Variants in EPC2 observed in about 807,000 individuals in gnomAD.
EPC2 encodes enhancer of polycomb homolog 2.
A neutral mutation model predicts 92.1 loss-of-function variants in EPC2; 14 were observed. The ratio of observed to expected loss-of-function variants is 0.15; its 90% CI spans 0.10 to 0.24. The LOEUF is 0.24. EPC2 is among the 10% of genes least tolerant of loss of function. The pLI is 1.00. For missense variants in EPC2, 755 were observed against 971.5 expected (o/e 0.78, Z 2.96); for synonymous variants, 340 against 334.7 (o/e 1.02, Z -0.17).
chr2:148,762,565 G>T, intron 5 of EPC2, 105 bp from the exon 6 acceptor site: 2 of 731,056 alleles, frequency 2.7e-6, no homozygotes, highest in Non-Finnish European at 2.1e-6. Context: ...TTGATTGTTA[G>T]CCCTTTTTGA....
intron 2 of EPC2, among the ~76,000 whole-genome samples, chr2:148,726,242 T>C (rs962459961): frequency 1.3e-5 from 2 of 152,200 alleles, no homozygotes; most frequent in African/African-American, 4.8e-5. Context: ...TTGTGAATAA[T>C]GCTGTAATGA....
intron 2 of EPC2, among the ~76,000 whole-genome samples, chr2:148,696,141 C>T (rs1681740927): frequency 6.6e-6 from 1 of 152,164 alleles, no homozygotes; most frequent in Non-Finnish European, 1.5e-5. Context: ...AGCCTCCAAA[C>T]CTAGAAGATA....
At chr2:148,749,849 A>T (rs1373221268) in intron 3 of EPC2, among the ~76,000 whole-genome samples, 7 of 152,166 alleles carry the variant, frequency 4.6e-5, no homozygotes, top group African/African-American at 1.7e-4. Context: ...AAAGTTAATG[A>T]GCAGTCAGAT....
intron 2 of EPC2, among the ~76,000 whole-genome samples, chr2:148,697,120 G>A (rs774288157): frequency 6.6e-6 from 1 of 152,176 alleles, no homozygotes; most frequent in African/African-American, 2.4e-5. Context: ...AAGAGCCCAG[G>A]GTGATGCAGC....
intron 2 of EPC2, among the ~76,000 whole-genome samples, chr2:148,724,660 A>AT (rs1237884846): frequency 1.3e-5 from 2 of 152,114 alleles, no homozygotes; most frequent in African/African-American, 4.8e-5. Context: ...ATATAAAGTC[A>AT]TTTTTTATCT....
At chr2:148,666,457 A>T (rs936912194) in intron 1 of EPC2, among the ~76,000 whole-genome samples, 14 of 152,194 alleles carry the variant, frequency 9.2e-5, no homozygotes, top group African/African-American at 3.1e-4. Flanking sequence ...GGACCAATTT[A>T]AAAAAAATTT....
At chr2:148,733,779 C>T (rs1395259970) in intron 2 of EPC2, among the ~76,000 whole-genome samples, 5 of 151,914 alleles carry the variant, frequency 3.3e-5, no homozygotes, top group South Asian at 2.1e-4. Context: ...CGTGAGCCAC[C>T]GTGCCTGACC....
At chr2:148,710,264 GTCA>G (rs1682109078) in intron 2 of EPC2, among the ~76,000 whole-genome samples, 1 of 152,198 alleles carries the variant, frequency 6.6e-6, no homozygotes, top group Admixed American at 6.5e-5. Context: ...ATCATCACTG[GTCA>G]TCAGAGAAAT....
At chr2:148,750,927 A>AAC (rs1683072568) in intron 3 of EPC2, among the ~76,000 whole-genome samples, 1 of 152,140 alleles carries the variant, frequency 6.6e-6, no homozygotes, top group South Asian at 2.1e-4. Flanking sequence ...AACACAGTAT[A>AAC]GGCAGTCCCA....
chr2:148,735,133 A>G (rs1002810800), intron 2 of EPC2, among the ~76,000 whole-genome samples: 3 of 152,054 alleles, frequency 2.0e-5, no homozygotes, highest in Non-Finnish European at 4.4e-5. Context: ...CATCTTGTCC[A>G]CATTTATGAG....
intron 10 of EPC2, among the ~76,000 whole-genome samples, chr2:148,775,852 A>G (rs1231376357): frequency 7.5e-6 from 1 of 133,260 alleles, no homozygotes; most frequent in African/African-American, 2.8e-5. Flanking sequence ...ATCTCGGCTC[A>G]CTGCAAGCTC....
At chr2:148,683,082 T>A (rs1001573165) in intron 1 of EPC2, among the ~76,000 whole-genome samples, 2 of 152,026 alleles carry the variant, frequency 1.3e-5, no homozygotes, top group African/African-American at 2.4e-5. Context: ...TCTTAAATTT[T>A]TTTTTTTTTA....
Position 148,771,318 on chromosome 2 carries a change from A to T in EPC2, c.1651A>T (p.Thr551Ser). 2.5e-6 allele frequency: 4 copies of T among 1,613,200 alleles called. No individual in the cohort carries two copies. Among genetic ancestry groups the T allele is most frequent in the Non-Finnish European group, 2.5e-6 (3 of 1,179,704 alleles). ...EECTSRKPGQ[T>S]VNNKRVSAAS... Reference sequence around the variant, plus strand: ...ATGTACCTCAAGAAAACCAGGGCAGACTGTGAACAATAAAAGAGTTTCTGC... The same window carrying T: ...ATGTACCTCAAGAAAACCAGGGCAGTCTGTGAACAATAAAAGAGTTTCTGC... Residue 551 changes from threonine (T) to serine (S), a missense_variant, in exon 10 of 14, where the codon ACT becomes TCT. Physicochemically the swap from Thr to Ser is moderately conservative, Grantham distance 58. Around this residue, in one of 4 missense-constraint regions of EPC2, gnomAD observed 509 missense variants for 607.7 expected, o/e 0.84. Coordinates refer to ENST00000258484, the MANE Select transcript of EPC2 (RefSeq NM_015630.4).
At chr2:148,728,107 A>G (rs936815249) in intron 2 of EPC2, among the ~76,000 whole-genome samples, 2 of 152,122 alleles carry the variant, frequency 1.3e-5, no homozygotes, top group Non-Finnish European at 2.9e-5. Flanking sequence ...CTCCTGCCTG[A>G]GCCTCCCCAA....
At chr2:148,725,981 G>A (rs187031704) in intron 2 of EPC2, among the ~76,000 whole-genome samples, 2 of 151,986 alleles carry the variant, frequency 1.3e-5, no homozygotes, top group Non-Finnish European at 2.9e-5. Context: ...CCCTCCAGCC[G>A]CTGGCAACCA....
chr2:148,668,908 T>A (rs1681103437), intron 1 of EPC2, among the ~76,000 whole-genome samples: 2 of 152,052 alleles, frequency 1.3e-5, no homozygotes, highest in Non-Finnish European at 2.9e-5. Context: ...ATGATCTTAT[T>A]TCCTTTCTTT....
intron 8 of EPC2, 103 bp from the exon 9 acceptor site, chr2:148,770,689 T>G: frequency 8.3e-7 from 1 of 1,210,078 alleles, no homozygotes; most frequent in Non-Finnish European, 1.1e-6. Flanking sequence ...TTTTAATTGT[T>G]CTGCTAATGT....
At chr2:148,719,125 G>T (rs548488610) in intron 2 of EPC2, among the ~76,000 whole-genome samples, 18 of 152,036 alleles carry the variant, frequency 1.2e-4, no homozygotes, top group African/African-American at 4.3e-4. Flanking sequence ...TGGCTATTCT[G>T]GTTATCAGCT....
chr2:148,663,935 C>T (rs532153714), intron 1 of EPC2, among the ~76,000 whole-genome samples: 1 of 152,084 alleles, frequency 6.6e-6, no homozygotes, highest in African/African-American at 2.4e-5. Context: ...CTTGCTTGCC[C>T]TCTGCTCAAC....
Sources: allele counts gnomAD v4.1 joint callset (sites outside exome capture counted in the v4.1 genomes callset), GRCh38; gene constraint gnomAD v4.1.1; regional missense constraint gnomAD v4.1.1; transcripts MANE v1.5; gene names NCBI Gene and HGNC (gene_info 2026-07-23, HGNC 2026-07-21).